Variants in RBFOX1 observed in about 807,000 individuals in gnomAD.
The protein encoded by RBFOX1 is RNA binding protein fox-1 homolog 1.
Under a neutral mutation model 57.7 loss-of-function variants are expected in RBFOX1, and 8 were observed. The ratio of observed to expected loss-of-function variants is 0.14; its 90% CI spans 0.08 to 0.25. The LOEUF (loss-of-function observed/expected upper bound fraction) is 0.25, where lower values mean the gene tolerates loss of function less well. Ranked by LOEUF, RBFOX1 falls within the 10% of genes least tolerant of loss-of-function variation. The pLI, the probability that RBFOX1 is intolerant of heterozygous loss-of-function variation, is 1.00. For missense variants in RBFOX1, 611 were observed against 548.5 expected, an observed-to-expected ratio of 1.11 and a Z score of -1.14; for synonymous variants, 326 against 222.4, an observed-to-expected ratio of 1.47 and a Z score of -4.15.
rs2065660205 is a variant in RBFOX1 at position 7,653,806 on chromosome 16, G to A, written c.758-9G>A. ...GTGCTCTCTCTCTCTCTCTCCTCTT[G>A]CCCCGCAGTGCCAGGCTTCCCGTAT... On this transcript the variant is annotated splice_polypyrimidine_tract_variant and intron_variant, in intron 11 of 15. Coordinates refer to ENST00000550418, the MANE Select transcript of RBFOX1 (RefSeq NM_018723.4). 1.9e-6 allele frequency: 3 copies of A among 1,606,040 alleles called. No individual in the cohort carries two copies. Among genetic ancestry groups the A allele is most frequent in the Admixed American group, 1.7e-5 (1 of 59,656 alleles).
chr16:6,248,808 G>T (rs567765599), intron 1 of RBFOX1, among the ~76,000 whole-genome samples: 4 of 151,980 alleles, frequency 2.6e-5, no homozygotes, highest in African/African-American at 9.7e-5. Flanking sequence ...GTCTGTCTTC[G>T]CATCCATAGC....
chr16:6,213,831 A>G (rs868632154), intron 1 of RBFOX1, among the ~76,000 whole-genome samples: 2 of 152,104 alleles, frequency 1.3e-5, no homozygotes, highest in African/African-American at 2.4e-5. Context: ...CACTGTTGAC[A>G]TTTGGAACTG....
At chr16:6,516,329 G>T (rs2096377452) in intron 2 of RBFOX1, among the ~76,000 whole-genome samples, 1 of 152,186 alleles carries the variant, frequency 6.6e-6, no homozygotes, top group Non-Finnish European at 1.5e-5. Context: ...TAGATAAGCT[G>T]CTATCTAATC....
chr16:6,885,889 C>T (rs1208017133), intron 3 of RBFOX1, among the ~76,000 whole-genome samples: 1 of 152,106 alleles, frequency 6.6e-6, no homozygotes, highest in East Asian at 1.9e-4. Context: ...TTACTCAATG[C>T]AGCATTGGAG....
At chr16:5,846,449 A>T (rs753383374) in intron 3 of RBFOX1, among the ~76,000 whole-genome samples, 1 of 152,168 alleles carries the variant, frequency 6.6e-6, no homozygotes, top group Non-Finnish European at 1.5e-5. Context: ...TTATTCGACA[A>T]GTGTTCACTG....
intron 2 of RBFOX1, among the ~76,000 whole-genome samples, chr16:5,547,888 G>A (rs4786707): frequency 0.65 from 99,376 of 151,724 alleles, 34,209 homozygotes; most frequent in East Asian, 0.99. Flanking sequence ...GGCCAGGCAC[G>A]GTGGCTCATG....
chr16:7,696,375 T>C (rs1405579998), intron 14 of RBFOX1, among the ~76,000 whole-genome samples: 1 of 152,128 alleles, frequency 6.6e-6, no homozygotes, highest in Non-Finnish European at 1.5e-5. Context: ...GATTCTTCAA[T>C]AGATGGTGAA....
chr16:7,427,170 C>G (rs77652792), intron 4 of RBFOX1, among the ~76,000 whole-genome samples: 7 of 152,032 alleles, frequency 4.6e-5, no homozygotes, highest in Non-Finnish European at 1.0e-4. Context: ...ATGTAAATGA[C>G]GAGTTAATGG....
chr16:5,678,535 G>T (rs556647291), intron 3 of RBFOX1, among the ~76,000 whole-genome samples: 1 of 152,282 alleles, frequency 6.6e-6, no homozygotes, highest in East Asian at 1.9e-4. Flanking sequence ...TTAGAACCCG[G>T]TTCCTAAGCT....
At chr16:6,994,757 G>A (rs1055785954) in intron 3 of RBFOX1, among the ~76,000 whole-genome samples, 7 of 152,274 alleles carry the variant, frequency 4.6e-5, no homozygotes, top group Non-Finnish European at 8.8e-5. Flanking sequence ...GTGTTATTAT[G>A]TTATGCTTGA....
intron 1 of RBFOX1, among the ~76,000 whole-genome samples, chr16:6,269,078 C>T (rs2074898029): frequency 6.6e-6 from 1 of 152,124 alleles, no homozygotes; most frequent in African/African-American, 2.4e-5. Flanking sequence ...TAATACCTAA[C>T]ATAATATAAA....
intron 3 of RBFOX1, among the ~76,000 whole-genome samples, chr16:5,666,118 C>G (rs536682053): frequency 4.6e-5 from 7 of 152,168 alleles, no homozygotes; most frequent in Non-Finnish European, 8.8e-5. Flanking sequence ...TTGCAGGGGC[C>G]GGTTCCGTTT....
intron 3 of RBFOX1, among the ~76,000 whole-genome samples, chr16:5,759,169 C>G (rs144864933): frequency 1.3e-5 from 2 of 152,172 alleles, no homozygotes; most frequent in Admixed American, 1.3e-4. Context: ...GGTTCATTAG[C>G]CTAACTTCCT....
intron 3 of RBFOX1, among the ~76,000 whole-genome samples, chr16:6,789,907 G>T (rs1249548841): frequency 6.6e-6 from 1 of 151,100 alleles, no homozygotes; most frequent in Non-Finnish European, 1.5e-5. Context: ...CATATGATTT[G>T]GTTTATTAAT....
intron 2 of RBFOX1, among the ~76,000 whole-genome samples, chr16:5,536,313 C>T (rs115514244): frequency 0.016 from 2,405 of 148,926 alleles, 78 homozygotes; most frequent in African/African-American, 0.057. Flanking sequence ...TGACTCAGCA[C>T]AGCCTCCTCC....
rs183643110 is a variant in RBFOX1 at position 7,102,455 on chromosome 16, A to G, written c.27+50357A>G. Among the ~76,000 whole-genome samples the G allele has an allele frequency of 2.1e-4, 32 of 152,310 alleles. No individual in the cohort carries two copies. In the East Asian group the frequency reaches 2.9e-3, roughly 14 times the overall value. ...GCAGGATTTAAAGAAAGAATAAAAC[A>G]TGCCAGGATATTTATGAATCATGAG... On this transcript the variant is annotated intron_variant, in intron 4 of 15. Transcript: ENST00000550418.
At chr16:6,564,757 G>A (rs922476839) in intron 2 of RBFOX1, among the ~76,000 whole-genome samples, 24 of 152,258 alleles carry the variant, frequency 1.6e-4, no homozygotes, top group African/African-American at 5.5e-4. Flanking sequence ...TAATTTATTT[G>A]ATTGCGGTAA....
chr16:6,712,228 A>ACTGAGTTTTAAC (rs2063833634), intron 3 of RBFOX1, among the ~76,000 whole-genome samples: 1 of 152,062 alleles, frequency 6.6e-6, no homozygotes, highest in African/African-American at 2.4e-5. Context: ...CAAGGTTAAA[A>ACTGAGTTTTAAC]CTCAAAATGG....
At chr16:6,981,805 GT>G (rs2088959851) in intron 3 of RBFOX1, among the ~76,000 whole-genome samples, 1 of 152,146 alleles carries the variant, frequency 6.6e-6, no homozygotes, top group Non-Finnish European at 1.5e-5. Flanking sequence ...AGAGCTACCA[GT>G]CAAGATGAGA....
Sources: allele counts gnomAD v4.1 joint callset (sites outside exome capture counted in the v4.1 genomes callset), GRCh38; gene constraint gnomAD v4.1.1; transcripts MANE v1.5; gene names NCBI Gene and HGNC (gene_info 2026-07-23, HGNC 2026-07-21).